Variants in MPDZ observed in about 807,000 individuals in gnomAD.
MPDZ encodes the protein multiple PDZ domain crumbs cell polarity complex component, also known as multiple PDZ domain protein.
A neutral mutation model predicts 239.1 loss-of-function variants in MPDZ; 234 were observed. That is an observed-to-expected ratio of 0.98 (90% CI 0.88 to 1.09). The LOEUF (loss-of-function observed/expected upper bound fraction) is 1.09, where lower values mean the gene tolerates loss of function less well. MPDZ is among the 50% of genes least tolerant of loss of function. MPDZ has a pLI of 0.00. For missense variants in MPDZ, 3,175 were observed against 2,510.0 expected (o/e 1.26, Z -5.66); for synonymous variants, 1,048 against 881.3 (o/e 1.19, Z -3.35).
At chr9:13,168,908 A>G (rs1170835045) in intron 21 of MPDZ, among the ~76,000 whole-genome samples, 1 of 152,190 alleles carries the variant, frequency 6.6e-6, no homozygotes, top group African/African-American at 2.4e-5. Context: ...ATATTAGTTC[A>G]GCTTTTACAC....
Position 13,115,229 on chromosome 9 carries a change from G to A in MPDZ, c.5466+19C>T, listed in dbSNP as rs777060996. On this transcript the variant is annotated intron_variant, in intron 40 of 46. Transcript: ENST00000319217. ...GGCATGCCGATTGCATCGCCCTGAT[G>A]AACTCCACAGCTACCCACCTGGCTG... 4 of 1,603,538 alleles carry A rather than the reference G, an allele frequency of 2.5e-6. No homozygotes were observed. Among genetic ancestry groups the A allele is most frequent in the Non-Finnish European group, 3.4e-6 (4 of 1,172,088 alleles).
intron 19 of MPDZ, among the ~76,000 whole-genome samples, chr9:13,178,671 C>A (rs897777027): frequency 8.5e-5 from 13 of 152,276 alleles, no homozygotes; most frequent in South Asian, 2.1e-4. Context: ...TCTTAATAGG[C>A]ATTTACAGGT....
In MPDZ at chr9:13,188,929, T is replaced by C; in HGVS notation, c.2219A>G (p.Glu740Gly). 1 of 1,613,492 alleles carries C rather than the reference T, an allele frequency of 6.2e-7. No individual in the cohort carries two copies. Among genetic ancestry groups the C allele is most frequent in the Non-Finnish European group, 8.5e-7 (1 of 1,179,562 alleles). ...ACCAGGAAGAAGTCGTCCATCCTTTTCAGCAATGCCGCCAGGCACCAAAGA... is the reference window on the plus strand; with the variant it reads ...ACCAGGAAGAAGTCGTCCATCCTTTCCAGCAATGCCGCCAGGCACCAAAGA... ...IRSLVPGGIA[E>G]KDGRLLPGDR... The change falls in exon 17 of 47, where the codon GAA (glutamate) becomes GGA (glycine). Residue 740 changes from glutamate to glycine, a missense_variant. Physicochemically the swap from Glu to Gly is moderately conservative, Grantham distance 98. Transcript: ENST00000319217.
intron 1 of MPDZ, 101 bp downstream of exon 1, chr9:13,279,299 A>ACCCCCGCCCCCG: frequency 8.8e-6 from 1 of 113,994 alleles, no homozygotes; most frequent in Non-Finnish European, 1.9e-5. Flanking sequence ...CCCCACCCCC[A>ACCCCCGCCCCCG]AGCGCCGAGC....
chr9:13,146,408 T>G (rs747080338), intron 26 of MPDZ, among the ~76,000 whole-genome samples: 1 of 152,112 alleles, frequency 6.6e-6, no homozygotes, highest in Non-Finnish European at 1.5e-5. Flanking sequence ...TTTCACAAGT[T>G]AAACTGAGCC....
intron 30 of MPDZ, 141 bp from the exon 31 acceptor site, chr9:13,136,323 T>TTA: frequency 1.6e-5 from 7 of 432,010 alleles, no homozygotes; most frequent in East Asian, 8.3e-5. Context: ...TACAAACGTT[T>TTA]TCTTTTTTTT....
chr9:13,258,990 C>A (rs1400246856), intron 1 of MPDZ, among the ~76,000 whole-genome samples: 1 of 152,008 alleles, frequency 6.6e-6, no homozygotes, highest in Non-Finnish European at 1.5e-5. Context: ...GAGACCGAGG[C>A]AGGAGAATCG....
chr9:13,207,345 T>C (rs977351723), intron 10 of MPDZ, among the ~76,000 whole-genome samples: 5 of 152,134 alleles, frequency 3.3e-5, no homozygotes, highest in African/African-American at 1.2e-4. Flanking sequence ...TAGAATGGCC[T>C]GTGCCAACTG....
chr9:13,173,105 G>T (rs1001223117), intron 21 of MPDZ, among the ~76,000 whole-genome samples: 1 of 152,174 alleles, frequency 6.6e-6, no homozygotes, highest in African/African-American at 2.4e-5. Context: ...TAGTTGACAG[G>T]GGACTGGTAG....
chr9:13,185,709 G>A (rs948942788), intron 18 of MPDZ, among the ~76,000 whole-genome samples: 1 of 151,876 alleles, frequency 6.6e-6, no homozygotes, highest in Non-Finnish European at 1.5e-5. Flanking sequence ...TTATTCCAAT[G>A]GATACTATTT....
At chr9:13,244,688 G>A (rs905644232) in intron 3 of MPDZ, among the ~76,000 whole-genome samples, 4 of 152,072 alleles carry the variant, frequency 2.6e-5, no homozygotes, top group East Asian at 3.8e-4. Context: ...TTTGCCAAAG[G>A]GAAACAGTTT....
At chr9:13,187,795 C>G (rs1954335651) in intron 17 of MPDZ, among the ~76,000 whole-genome samples, 2 of 85,416 alleles carry the variant, frequency 2.3e-5, no homozygotes, top group Non-Finnish European at 5.1e-5. Context: ...TGGAAAAAAC[C>G]CACAAATATT....
intron 1 of MPDZ, among the ~76,000 whole-genome samples, chr9:13,273,377 C>A (rs1359629566): frequency 6.6e-6 from 1 of 152,100 alleles, no homozygotes; most frequent in Non-Finnish European, 1.5e-5. Flanking sequence ...ATCTTATGAA[C>A]ACAGAAGGAT....
At chr9:13,177,496 C>A (rs895619936) in intron 19 of MPDZ, among the ~76,000 whole-genome samples, 1 of 152,066 alleles carries the variant, frequency 6.6e-6, no homozygotes, top group African/African-American at 2.4e-5. Flanking sequence ...AGCAGATATA[C>A]ATATATATTT....
intron 3 of MPDZ, among the ~76,000 whole-genome samples, chr9:13,232,018 T>A (rs1427605186): frequency 6.6e-6 from 1 of 152,068 alleles, no homozygotes; most frequent in South Asian, 2.1e-4. Flanking sequence ...AGAAAAAAAA[T>A]AATGGATAAA....
rs1308102422 is a variant in MPDZ, at chr9:13,219,415, T to C, written c.1086+144A>G. ...CTGATTAATAAAATATCATTAGTGC[T>C]AAAGCATCCCTACATTTGAATTTCA... On this transcript the variant is annotated intron_variant, in intron 8 of 46. Coordinates refer to ENST00000319217, the MANE Select transcript of MPDZ (RefSeq NM_001378778.1). 6 of 730,838 alleles carry C rather than the reference T, an allele frequency of 8.2e-6. No homozygotes were observed. In the Admixed American group the frequency reaches 1.7e-4, roughly 21 times the overall value. The allele number at this position is 730,838 out of a possible 1,614,324, so 45.3% of individuals were successfully genotyped here.
At position 13,122,103 on chromosome 9, in the gene MPDZ, C is replaced by G; in HGVS notation, c.5021G>C (p.Gly1674Ala). Residue 1674 changes from glycine (G) to alanine (A), a missense_variant, in exon 37 of 47, where the codon GGA (glycine) becomes GCA (alanine). By Grantham distance (60) the Gly-to-Ala change is moderately conservative. Transcript: ENST00000319217. The part of the protein sequence containing the change: ...AACKDGRLWA[G>A]DQILEVNGID... Reference sequence around the variant, plus strand: ...ATTCTATACCTCTAAGATCTGATCTCCAGCCCAGAGTCTTCCATCTTTACA... The same window carrying G: ...ATTCTATACCTCTAAGATCTGATCTGCAGCCCAGAGTCTTCCATCTTTACA... The G allele has an allele frequency of 6.2e-7, 1 of 1,614,010 alleles. No homozygotes were observed. The highest frequency in any genetic ancestry group is 8.5e-7 in the Non-Finnish European group (1 of 1,179,934).
Position 13,200,467 on chromosome 9 carries a change from C to T in MPDZ, c.1547-4237G>A, listed in dbSNP as rs190964630. ...CAATTATTCTTTCTTTCTGCTCCTT[C>T]GGGTTTGGTTTGTTCTTGCTCTTCT... On this transcript the variant is annotated intron_variant, in intron 12 of 46. Transcript: ENST00000319217. Among the ~76,000 whole-genome samples, 17 of 151,936 alleles carry T rather than the reference C, an allele frequency of 1.1e-4. No individual in the cohort carries two copies. In the East Asian group the frequency reaches 1.9e-3, roughly 17 times the overall value.
intron 34 of MPDZ, among the ~76,000 whole-genome samples, chr9:13,126,217 T>A (rs1022879591): frequency 3.3e-5 from 5 of 152,154 alleles, no homozygotes; most frequent in African/African-American, 1.2e-4. Context: ...CATTAAAAAA[T>A]ATTTTGGCAC....
Sources: allele counts gnomAD v4.1 joint callset (sites outside exome capture counted in the v4.1 genomes callset), GRCh38; gene constraint gnomAD v4.1.1; transcripts MANE v1.5; gene names NCBI Gene and HGNC (gene_info 2026-07-23, HGNC 2026-07-21).